TTLL12: variants seen among roughly 807,000 people sequenced by gnomAD.
TTLL12 encodes tubulin tyrosine ligase like 12.
TTLL12 carries 77 observed loss-of-function variants against 79.6 expected under a neutral mutation model. That is an observed-to-expected ratio of 0.97 (90% CI 0.81 to 1.17). The LOEUF (loss-of-function observed/expected upper bound fraction) is 1.17. Ranked by LOEUF, TTLL12 falls within the 50% of genes most tolerant of loss-of-function variation. The pLI is 0.00. For missense variants in TTLL12, 969 were observed against 895.9 expected, an observed-to-expected ratio of 1.08 and a Z score of -1.04; for synonymous variants, 437 against 376.1, an observed-to-expected ratio of 1.16 and a Z score of -1.87.
In TTLL12 at chr22:43,167,295, T is replaced by C; in HGVS notation, c.*713A>G. On this transcript the variant is annotated 3_prime_UTR_variant, in exon 14 of 14. Transcript: ENST00000216129. The stretch of plus-strand genomic sequence containing the variant: ...GGGCAACCACTGGGAAGACAGATAC[T>C]GATTTCCCTGTTGGGGTCTGTGACC... The C allele has an allele frequency of 2.2e-6, 1 of 462,270 alleles. No homozygotes were observed. The highest frequency in any genetic ancestry group is 1.6e-5 in the South Asian group (1 of 61,882). 28.6% of individuals were successfully genotyped at this position (462,270 alleles called of 1,614,324 possible).
chr22:43,174,187 C>A, intron 8 of TTLL12, 22 bp downstream of exon 8: 1 of 1,596,560 alleles, frequency 6.3e-7, no homozygotes, highest in South Asian at 1.1e-5. Context: ...TGGAGCACAC[C>A]GATGCCGTGT....
At chr22:43,181,029 A>C in intron 2 of TTLL12, 89 bp from the exon 3 acceptor site, 2 of 1,406,206 alleles carry the variant, frequency 1.4e-6, no homozygotes, top group Non-Finnish European at 1.9e-6. Context: ...CTGTGTTGGG[A>C]CCAGGGCCCA....
intron 1 of TTLL12, among the ~76,000 whole-genome samples, chr22:43,186,199 C>G (rs534624032): frequency 4.1e-5 from 6 of 148,070 alleles, no homozygotes; most frequent in Non-Finnish European, 6.1e-5. Flanking sequence ...ACCCCCCCCC[C>G]CGCCAGCCCG....
intron 2 of TTLL12, among the ~76,000 whole-genome samples, 167 bp downstream of exon 2, chr22:43,182,813 G>A (rs923041968): frequency 6.6e-6 from 1 of 152,248 alleles, no homozygotes; most frequent in African/African-American, 2.4e-5. Flanking sequence ...GCCACGGACA[G>A]TACTCTGAAG....
At position 43,168,133 on chromosome 22, in the gene TTLL12, G is replaced by A. The variant is rs1340212267; in HGVS notation, c.1810C>T (p.Leu604=). 1 of 1,614,152 alleles carries A rather than the reference G, an allele frequency of 6.2e-7. No homozygotes were observed. The highest frequency in any genetic ancestry group is 2.2e-5 in the East Asian group (1 of 44,882). The change falls in exon 14 of 14, where the codon CTG becomes TTG. Residue 604 remains leucine (L), a synonymous_variant. Transcript: ENST00000216129. ...DGRRVMQPQI[L]EVNFNPDCER... ...CAGTCGGGGTTGAAGTTCACCTCCAGGATCTGCGGCTGCATCACCCGCCTT... is the reference window on the plus strand; with the variant it reads ...CAGTCGGGGTTGAAGTTCACCTCCAAGATCTGCGGCTGCATCACCCGCCTT...
Position 43,167,971 on chromosome 22 carries a change from T to A in TTLL12, c.*37A>T. The A allele has an allele frequency of 6.2e-7, 1 of 1,602,022 alleles. No individual in the cohort carries two copies. Among genetic ancestry groups the A allele is most frequent in the Non-Finnish European group, 8.5e-7 (1 of 1,172,102 alleles). ...GCAGCTCAGAGAACTGAGGTTGGAA[T>A]CCTGCCCCAAGCACAGGTTTTGGGG... On this transcript the variant is annotated 3_prime_UTR_variant, in exon 14 of 14. Transcript: ENST00000216129.
At chr22:43,186,797 C>A (rs1304507462) in intron 1 of TTLL12, 96 bp downstream of exon 1, 2 of 1,169,500 alleles carry the variant, frequency 1.7e-6, no homozygotes, top group South Asian at 3.9e-5. Flanking sequence ...CACCGCGGCT[C>A]CCGCCGCCCG....
At chr22:43,185,929 T>C (rs765762780) in intron 1 of TTLL12, 98 of 982,646 alleles carry the variant, frequency 1.0e-4, no homozygotes, top group Non-Finnish European at 1.1e-4. Context: ...GGAAACTCTC[T>C]GTTACACTGT....
At chr22:43,168,672 C>A (rs1008961144) in intron 13 of TTLL12, 102 bp downstream of exon 13, 1 of 1,486,506 alleles carries the variant, frequency 6.7e-7, no homozygotes. Flanking sequence ...TGATTCAAGC[C>A]AGAGGACAGC....
chr22:43,176,975 T>C (rs2147072000), intron 5 of TTLL12, among the ~76,000 whole-genome samples: 1 of 152,058 alleles, frequency 6.6e-6, no homozygotes, highest in South Asian at 2.1e-4. Flanking sequence ...TACCTCAAAA[T>C]CGCAGGGGGC....
At chr22:43,176,898 G>A (rs1931930234) in intron 5 of TTLL12, among the ~76,000 whole-genome samples, 1 of 151,982 alleles carries the variant, frequency 6.6e-6, no homozygotes, top group Admixed American at 6.6e-5. Flanking sequence ...AGGCCCCTCG[G>A]ATGCCGAACA....
chr22:43,183,604 A>C (rs1932112687), intron 1 of TTLL12, among the ~76,000 whole-genome samples: 2 of 152,186 alleles, frequency 1.3e-5, no homozygotes, highest in African/African-American at 2.4e-5. Flanking sequence ...GAACCCCTCA[A>C]CACTAGGACA....
In TTLL12 at chr22:43,167,248, C is replaced by A. The variant is rs751325667; in HGVS notation, c.*760G>T. The A allele has an allele frequency of 1.9e-6, 1 of 521,624 alleles. No homozygotes were observed. The highest frequency in any genetic ancestry group is 2.0e-5 in the Admixed American group (1 of 50,336). The allele number at this position is 521,624 out of a possible 1,614,324, so 32.3% of individuals were successfully genotyped here. On this transcript the variant is annotated 3_prime_UTR_variant, in exon 14 of 14. Coordinates refer to ENST00000216129, the MANE Select transcript of TTLL12 (RefSeq NM_015140.4). ...GGCCCATCTCACACAAGGGCGGGAC[C>A]CCGTGGAGTGCCCGGCGAGCAGGGC...
intron 2 of TTLL12, among the ~76,000 whole-genome samples, chr22:43,182,405 CAG>C (rs59241424): frequency 3.0e-3 from 456 of 152,354 alleles, no homozygotes; most frequent in African/African-American, 0.01. Flanking sequence ...TGCGTGGACA[CAG>C]GGGCCCAGCA....
chr22:43,172,186 C>G (rs552830656), intron 10 of TTLL12, among the ~76,000 whole-genome samples: 2 of 152,302 alleles, frequency 1.3e-5, no homozygotes, highest in East Asian at 3.9e-4. Flanking sequence ...TGTTCACATC[C>G]ATTACTGTGG....
At chr22:43,170,084 C>A (rs1016130441) in intron 11 of TTLL12, 1 of 356,200 alleles carries the variant, frequency 2.8e-6, no homozygotes, top group East Asian at 7.4e-5. Context: ...AGGTGGCAGT[C>A]GGCTCAGGTT....
At chr22:43,185,257 A>C (rs1261496244) in intron 1 of TTLL12, among the ~76,000 whole-genome samples, 620 of 6,292 alleles carry the variant, frequency 0.099, 18 homozygotes, top group Middle Eastern at 0.23. Flanking sequence ...TTATATATAT[A>C]TATATATATA....
chr22:43,173,996 G>T (rs1238710353), intron 8 of TTLL12, among the ~76,000 whole-genome samples, 170 bp from the exon 9 acceptor site: 1 of 152,232 alleles, frequency 6.6e-6, no homozygotes, highest in Non-Finnish European at 1.5e-5. Flanking sequence ...GTTTGCCAGA[G>T]GCCAGGCAGC....
intron 11 of TTLL12, among the ~76,000 whole-genome samples, chr22:43,170,443 C>T (rs1931735455): frequency 6.6e-6 from 1 of 152,196 alleles, no homozygotes; most frequent in Admixed American, 6.5e-5. Context: ...TGGGCATGGC[C>T]AGGTGCCTCC....
Sources: allele counts gnomAD v4.1 joint callset (sites outside exome capture counted in the v4.1 genomes callset), GRCh38; gene constraint gnomAD v4.1.1; transcripts MANE v1.5; gene names NCBI Gene and HGNC (gene_info 2026-07-23, HGNC 2026-07-21).